MYO3A: variants seen among roughly 807,000 people sequenced by gnomAD.
The protein encoded by MYO3A is myosin IIIA, also known as myosin-IIIa.
MYO3A carries 180 observed loss-of-function variants against 192.7 expected under a neutral mutation model. The ratio of observed to expected loss-of-function variants is 0.93; its 90% CI spans 0.83 to 1.06. MYO3A has a LOEUF of 1.06. MYO3A is among the 50% of genes least tolerant of loss of function. The pLI is 0.00. For synonymous variants in MYO3A, 628 were observed against 645.3 expected (o/e 0.97, Z 0.41); for missense variants, 1,896 against 1,905.0 (o/e 1.00, Z 0.09).
intron 4 of MYO3A, among the ~76,000 whole-genome samples, chr10:25,966,766 G>C (rs113508761): frequency 0.043 from 6,575 of 152,252 alleles, 182 homozygotes; most frequent in Middle Eastern, 0.068. Context: ...AACTCTATCA[G>C]AGGTTCTCAA....
At chr10:26,205,974 G>A (rs918726034) in intron 34 of MYO3A, among the ~76,000 whole-genome samples, 3 of 151,468 alleles carry the variant, frequency 2.0e-5, no homozygotes, top group Non-Finnish European at 4.4e-5. Flanking sequence ...TATACCACAT[G>A]TTCATTATCC....
chr10:26,183,862 T>G (rs969676249), intron 31 of MYO3A, among the ~76,000 whole-genome samples: 3 of 152,112 alleles, frequency 2.0e-5, no homozygotes, highest in African/African-American at 7.2e-5. Context: ...CCTTAGCTTT[T>G]CACCTCAAAT....
chr10:25,966,696 T>C (rs1429394611), intron 4 of MYO3A, among the ~76,000 whole-genome samples: 2 of 152,204 alleles, frequency 1.3e-5, no homozygotes, highest in African/African-American at 4.8e-5. Context: ...AATGGTGTCT[T>C]GGAAACTGTG....
chr10:26,075,622 T>C (rs1461460262), intron 14 of MYO3A, among the ~76,000 whole-genome samples: 1 of 147,550 alleles, frequency 6.8e-6, no homozygotes, highest in Non-Finnish European at 1.5e-5. Context: ...ATATATATGA[T>C]ATATATGTCT....
chr10:26,108,071 T>A (rs962306919), intron 17 of MYO3A, among the ~76,000 whole-genome samples: 2 of 152,214 alleles, frequency 1.3e-5, no homozygotes, highest in African/African-American at 4.8e-5. Context: ...TTGTATTTTT[T>A]AATTTTTGTA....
intron 17 of MYO3A, among the ~76,000 whole-genome samples, chr10:26,119,954 G>A (rs1159959385): frequency 4.0e-5 from 6 of 149,778 alleles, no homozygotes; most frequent in Non-Finnish European, 1.5e-5. Flanking sequence ...CCAGGAGTTC[G>A]AGACCAGCCT....
At position 26,088,199 on chromosome 10, in the gene MYO3A, T is replaced by G. The variant is rs1382617026; in HGVS notation, c.1360-4T>G. 2 of 1,589,310 alleles carry G rather than the reference T, an allele frequency of 1.3e-6. No individual in the cohort carries two copies. Among genetic ancestry groups the G allele is most frequent in the Admixed American group, 1.7e-5 (1 of 58,662 alleles). Reference sequence around the variant, plus strand: ...TTAAAAATATCTTAATATTTTCTATTTAGGCTAATAACAGAACCTTGCAAG... The same window carrying G: ...TTAAAAATATCTTAATATTTTCTATGTAGGCTAATAACAGAACCTTGCAAG... On this transcript the variant is annotated splice_region_variant and splice_polypyrimidine_tract_variant and intron_variant, in intron 14 of 34. Coordinates refer to ENST00000642920, the MANE Select transcript of MYO3A (RefSeq NM_017433.5).
rs1339351599 is a variant in MYO3A at position 26,096,804 on chromosome 10, A to G, written c.1776+122A>G. The G allele has an allele frequency of 3.2e-5, 22 of 692,352 alleles. No homozygotes were observed. In the South Asian group the frequency reaches 3.3e-4, roughly 10 times the overall value. The allele number at this position is 692,352 out of a possible 1,614,324, so 42.9% of individuals were successfully genotyped here. The stretch of plus-strand genomic sequence containing the variant: ...AGTGCTTTACATAAATTGAAACAGC[A>G]TTATGAAATAACTGGAAATATAATA... On this transcript the variant is annotated intron_variant, in intron 17 of 34. Transcript: ENST00000642920.
At chr10:25,968,106 A>G (rs1378298312) in intron 4 of MYO3A, among the ~76,000 whole-genome samples, 1 of 152,212 alleles carries the variant, frequency 6.6e-6, no homozygotes, top group Non-Finnish European at 1.5e-5. Context: ...TGAGAAAGAA[A>G]GCCACACTAA....
chr10:26,200,646 T>C lies in MYO3A; in HGVS notation c.4546-619T>C, dbSNP rs192547023. On this transcript the variant is annotated intron_variant, in intron 32 of 34. Transcript: ENST00000642920. Reference sequence around the variant, plus strand: ...ATTGAAGTATCAGTTAAAATATATCTAATGATTTCCATATTTGCGTATCTT... The same window carrying C: ...ATTGAAGTATCAGTTAAAATATATCCAATGATTTCCATATTTGCGTATCTT... 2.9e-3 allele frequency among the ~76,000 whole-genome samples: 436 copies of C among 152,364 alleles called. 6 individuals are homozygous for C. Among genetic ancestry groups the C allele is most frequent in the Non-Finnish European group, 5.1e-3 (345 of 68,038 alleles).
intron 14 of MYO3A, among the ~76,000 whole-genome samples, chr10:26,073,566 C>T (rs1835345825): frequency 2.3e-5 from 1 of 43,280 alleles, no homozygotes; most frequent in African/African-American, 6.0e-5. Context: ...GCACTCCAGC[C>T]TGGGCAACAG....
chr10:26,032,925 G>A (rs1186690324), intron 10 of MYO3A, among the ~76,000 whole-genome samples: 1 of 152,136 alleles, frequency 6.6e-6, no homozygotes, highest in Non-Finnish European at 1.5e-5. Flanking sequence ...CTTGACACAT[G>A]AGACTTTAAA....
chr10:25,989,714 A>G (rs1192145145), intron 4 of MYO3A, among the ~76,000 whole-genome samples: 1 of 152,228 alleles, frequency 6.6e-6, no homozygotes, highest in African/African-American at 2.4e-5. Context: ...TCAGGCATCC[A>G]GTAAAATCTA....
chr10:25,970,595 A>G (rs2130725737), intron 4 of MYO3A, among the ~76,000 whole-genome samples: 1 of 152,096 alleles, frequency 6.6e-6, no homozygotes, highest in African/African-American at 2.4e-5. Flanking sequence ...AGATAATAGT[A>G]GAAATCACTT....
chr10:25,958,239 C>A (rs1188223754), intron 4 of MYO3A, among the ~76,000 whole-genome samples: 2 of 152,106 alleles, frequency 1.3e-5, no homozygotes, highest in Admixed American at 6.6e-5. Context: ...ACAGTTAAGT[C>A]TTTAATCTAT....
chr10:26,077,570 G>C (rs1835671367), intron 14 of MYO3A, among the ~76,000 whole-genome samples: 1 of 151,840 alleles, frequency 6.6e-6, no homozygotes, highest in Non-Finnish European at 1.5e-5. Context: ...TCCTTGTCTT[G>C]TTCCCATTCT....
chr10:26,030,481 C>T (rs184701668), intron 10 of MYO3A, among the ~76,000 whole-genome samples: 2 of 152,182 alleles, frequency 1.3e-5, no homozygotes, highest in South Asian at 4.1e-4. Context: ...CATTCATATT[C>T]ACACTAGTCC....
At chr10:26,116,820 T>C (rs1341759039) in intron 17 of MYO3A, among the ~76,000 whole-genome samples, 1 of 152,186 alleles carries the variant, frequency 6.6e-6, no homozygotes, top group East Asian at 1.9e-4. Flanking sequence ...CCTTGATCCC[T>C]ACTCCATAGA....
intron 17 of MYO3A, among the ~76,000 whole-genome samples, chr10:26,118,272 A>T (rs1838640326): frequency 6.6e-6 from 1 of 152,172 alleles, no homozygotes; most frequent in East Asian, 1.9e-4. Flanking sequence ...CCTGAAAGCC[A>T]TGAAAGCCCA....
Sources: allele counts gnomAD v4.1 joint callset (sites outside exome capture counted in the v4.1 genomes callset), GRCh38; gene constraint gnomAD v4.1.1; transcripts MANE v1.5; gene names NCBI Gene and HGNC (gene_info 2026-07-23, HGNC 2026-07-21).